Variants in CEP72 observed in about 807,000 individuals in gnomAD.
CEP72 encodes centrosomal protein of 72 kDa.
CEP72 carries 78 observed loss-of-function variants against 65.7 expected under a neutral mutation model. That is an observed-to-expected ratio of 1.19 (90% CI 0.99 to 1.43). The LOEUF is 1.43. Ranked by LOEUF, CEP72 falls within the 40% of genes most tolerant of loss-of-function variation. CEP72 has a pLI of 0.00. For synonymous variants in CEP72, 358 were observed against 351.7 expected (o/e 1.02, Z -0.20); for missense variants, 914 against 832.9 (o/e 1.10, Z -1.20).
At chr5:666,139 C>CGACTTAGGGCACAGGA (rs2126867042) in intron 4 of CEP72, 1 of 1,608,218 alleles carries the variant, frequency 6.2e-7, no homozygotes, top group Non-Finnish European at 8.5e-7. Flanking sequence ...GGGGCACAGG[C>CGACTTAGGGCACAGGA]GACTTAGGGC....
chr5:675,157 AGTGTGGCTG>A, the CEP72 span, among the ~76,000 whole-genome samples: 24 of 120,130 alleles, frequency 2.0e-4, no homozygotes, highest in South Asian at 2.9e-4. Flanking sequence ...CCAGGGGTGC[AGTGTGGCTG>A]AGAATGCAAC....
chr5:615,198 C>T (rs935128426), intron 1 of CEP72, among the ~76,000 whole-genome samples: 5 of 147,630 alleles, frequency 3.4e-5, no homozygotes, highest in Non-Finnish European at 7.4e-5. Context: ...TGCAGTGGCA[C>T]GATCTTGGGT....
At chr5:620,898 T>TTGTTGC (rs1192299883) in intron 3 of CEP72, among the ~76,000 whole-genome samples, 6 of 152,180 alleles carry the variant, frequency 3.9e-5, no homozygotes, top group Non-Finnish European at 7.4e-5. Context: ...CCCGGAGGCA[T>TTGTTGC]TGTTGCTGTT....
rs774144411 is a variant in CEP72, at chr5:639,059, G to A, written c.1207-30G>A. 3.0e-5 allele frequency: 48 copies of A among 1,612,276 alleles called. No individual in the cohort carries two copies. In the African/African-American group the frequency reaches 4.1e-4, roughly 14 times the overall value. On this transcript the variant is annotated intron_variant, in intron 7 of 11. Transcript: ENST00000264935. Reference sequence around the variant, plus strand: ...CATTCAGGACCTCAGTTACTGACTCGCTGGCCTCATGCTGTTGTTTCCATC... The same window carrying A: ...CATTCAGGACCTCAGTTACTGACTCACTGGCCTCATGCTGTTGTTTCCATC...
At chr5:674,214 G>A in the CEP72 span, among the ~76,000 whole-genome samples, 9 of 152,326 alleles carry the variant, frequency 5.9e-5, 1 homozygote, top group South Asian at 1.4e-3. Context: ...CACATTGGGC[G>A]GCACAGAGGG....
rs144885757 is a variant in CEP72 at position 624,211 on chromosome 5, CGTGTGT to C, written c.404-252_404-247del. Among the ~76,000 whole-genome samples, 1 of 151,978 alleles carries C rather than the reference CGTGTGT, an allele frequency of 6.6e-6. No individual in the cohort carries two copies. The highest frequency in any genetic ancestry group is 2.4e-5 in the African/African-American group (1 of 41,388). On this transcript the variant is annotated intron_variant, in intron 3 of 11. Transcript: ENST00000264935. This position sits in a 1 kb window ranked among gnomAD's most constrained non-coding sequence, Gnocchi z 4.7. ...GTGTGCACTTTAGAGAAAGGGTGTG[CGTGTGT>C]GTGTGTGAGCCTCATCTGTGTGCGG...
the CEP72 span, among the ~76,000 whole-genome samples, chr5:673,464 AG>A: frequency 2.0e-5 from 3 of 151,044 alleles, no homozygotes; most frequent in East Asian, 3.9e-4. Context: ...GTGAATGGGG[AG>A]GGGGGGAGGT....
Position 645,860 on chromosome 5 carries a change from G to A in CEP72, c.1666+1435G>A, listed in dbSNP as rs1181876432. Among the ~76,000 whole-genome samples, 1 of 152,258 alleles carries A rather than the reference G, an allele frequency of 6.6e-6. No individual in the cohort carries two copies. Among genetic ancestry groups the A allele is most frequent in the Non-Finnish European group, 1.5e-5 (1 of 68,048 alleles). On this transcript the variant is annotated intron_variant, in intron 10 of 11. Coordinates refer to ENST00000264935, the MANE Select transcript of CEP72 (RefSeq NM_018140.4). This position sits in a 1 kb window ranked among gnomAD's most constrained non-coding sequence, Gnocchi z 4.0. ...TGGTTTGGTGATGTTCTTGTGACTA[G>A]AAATTGCTGTGTGAGCGTCACTCCT...
At position 624,226 on chromosome 5, in the gene CEP72, G is replaced by A. The variant is rs1245034713; in HGVS notation, c.404-245G>A. On this transcript the variant is annotated intron_variant, in intron 3 of 11. Coordinates refer to ENST00000264935, the MANE Select transcript of CEP72 (RefSeq NM_018140.4). This position sits in a 1 kb window ranked among gnomAD's most constrained non-coding sequence, Gnocchi z 4.7. ...AAAGGGTGTGCGTGTGTGTGTGTGA[G>A]CCTCATCTGTGTGCGGCTGCTCCCG... Among the ~76,000 whole-genome samples, 3 of 152,226 alleles carry A rather than the reference G, an allele frequency of 2.0e-5. No homozygotes were observed. The highest frequency in any genetic ancestry group is 4.8e-5 in the African/African-American group (2 of 41,456).
intron 9 of CEP72, chr5:641,245 A>G (rs1737999907): frequency 1.0e-6 from 1 of 985,328 alleles, no homozygotes; most frequent in Non-Finnish European, 1.2e-6. Flanking sequence ...CCACGCTGCA[A>G]GGGCCTCCCC....
the CEP72 span, among the ~76,000 whole-genome samples, chr5:675,416 T>G: frequency 0.57 from 40,958 of 71,500 alleles, 11,404 homozygotes; most frequent in African/African-American, 0.85. Context: ...GGGTGCAGTG[T>G]GGCCAGGGGT....
intron 3 of CEP72, among the ~76,000 whole-genome samples, chr5:621,129 C>T (rs1175619977): frequency 6.6e-6 from 1 of 152,174 alleles, no homozygotes; most frequent in Non-Finnish European, 1.5e-5. Flanking sequence ...TATCTGTAAG[C>T]TCCCAGACTG....
At chr5:642,411 T>C in intron 9 of CEP72, 1 of 985,508 alleles carries the variant, frequency 1.0e-6, no homozygotes, top group South Asian at 4.7e-5. Flanking sequence ...GCCTTTATAC[T>C]GAAACACACG....
intron 2 of CEP72, 51 bp downstream of exon 2, chr5:619,168 A>G: frequency 6.4e-7 from 1 of 1,551,652 alleles, no homozygotes; most frequent in Non-Finnish European, 8.9e-7. Context: ...CATCAGTGGA[A>G]AGTCCATTCA....
chr5:664,203 C>A (rs548522543), intron 2 of CEP72: 1 of 152,668 alleles, frequency 6.6e-6, no homozygotes, highest in Non-Finnish European at 1.5e-5. Flanking sequence ...CTAGTGAGGA[C>A]GGGCGAACGG....
At chr5:644,817 C>T (rs771367523) in intron 10 of CEP72, among the ~76,000 whole-genome samples, 10 of 152,214 alleles carry the variant, frequency 6.6e-5, no homozygotes, top group Non-Finnish European at 8.8e-5. Context: ...TGCCCAGCGT[C>T]TCAGCGTTAC....
Position 653,220 on chromosome 5 carries a change from C to T in CEP72, c.*67C>T, listed in dbSNP as rs1292640439. ...AAGTTACATTGTCTGCACCTTTGTA[C>T]TTCTTTATTGAGTGTACTGGCTGGC... On this transcript the variant is annotated 3_prime_UTR_variant, in exon 12 of 12. Transcript: ENST00000264935. The T allele has an allele frequency of 4.2e-6, 6 of 1,426,538 alleles. No individual in the cohort carries two copies. Among genetic ancestry groups the T allele is most frequent in the Non-Finnish European group, 4.7e-6 (5 of 1,073,758 alleles). 88.4% of individuals were successfully genotyped at this position (1,426,538 alleles called of 1,614,324 possible).
At chr5:670,741 T>A (rs1740191805), downstream of CEP72, among the ~76,000 whole-genome samples, 1 of 152,106 alleles carries the variant, frequency 6.6e-6, no homozygotes, top group Admixed American at 6.5e-5. Flanking sequence ...CGCCCCTGCC[T>A]CCCGCAAGCC....
chr5:632,904 G>A (rs1255276096), intron 4 of CEP72, among the ~76,000 whole-genome samples: 1 of 107,898 alleles, frequency 9.3e-6, no homozygotes, highest in Non-Finnish European at 1.8e-5. Context: ...CAGTTCTGGT[G>A]GGGTTCTGTC....
Sources: allele counts gnomAD v4.1 joint callset (sites outside exome capture counted in the v4.1 genomes callset), GRCh38; gene constraint gnomAD v4.1.1; non-coding constraint Gnocchi (gnomAD v3.1); transcripts MANE v1.5; gene names NCBI Gene and HGNC (gene_info 2026-07-23, HGNC 2026-07-21).